The following CADM2 variants were observed in gnomAD, a reference collection of about 807,000 sequenced individuals.
The protein encoded by CADM2 is immunoglobulin superfamily member 4D.
A neutral mutation model predicts 49.8 loss-of-function variants in CADM2; 12 were observed. The observed-to-expected ratio is 0.24, with a 90% CI of 0.15 to 0.39. The LOEUF (loss-of-function observed/expected upper bound fraction) is 0.39, where lower values mean the gene tolerates loss of function less well. CADM2 is among the 10% of genes least tolerant of loss of function. The pLI is 1.00. For missense variants in CADM2, 378 were observed against 492.3 expected, an observed-to-expected ratio of 0.77 and a Z score of 2.20; for synonymous variants, 214 against 175.4, an observed-to-expected ratio of 1.22 and a Z score of -1.74.
chr3:85,778,060 G>A (rs1286269147), intron 2 of CADM2, among the ~76,000 whole-genome samples: 1 of 152,058 alleles, frequency 6.6e-6, no homozygotes, highest in Non-Finnish European at 1.5e-5. Context: ...ATATTCATAT[G>A]GGCTGAGCCT....
At chr3:85,431,900 A>G (rs2036696589) in intron 1 of CADM2, among the ~76,000 whole-genome samples, 3 of 39,794 alleles carry the variant, frequency 7.5e-5, no homozygotes, top group Admixed American at 3.6e-4. Flanking sequence ...GTCTAAATGA[A>G]TAAATGAAGA....
Position 85,214,298 on chromosome 3 carries a change from C to T in CADM2, c.61+254630C>T, listed in dbSNP as rs112379448. On this transcript the variant is annotated intron_variant, in intron 1 of 9. Coordinates refer to ENST00000383699, the MANE Select transcript of CADM2 (RefSeq NM_001167675.2). ...TTTCCCACAAATAAAGTGAGTCTCT[C>T]TCTCTTTGCTGAGCTGCCTAGAGCT... is the stretch of plus-strand genomic sequence containing the variant. 6.9e-3 allele frequency among the ~76,000 whole-genome samples: 1,053 copies of T among 152,244 alleles called. 10 individuals carry two copies. Among genetic ancestry groups the T allele is most frequent in the African/African-American group, 0.023 (961 of 41,536 alleles).
chr3:85,009,865 CAATAAATAAATAAATAAATA>C (rs34806351), intron 1 of CADM2, among the ~76,000 whole-genome samples: 11 of 140,722 alleles, frequency 7.8e-5, no homozygotes, highest in South Asian at 4.7e-4. Flanking sequence ...GATTCTATCT[CAATAAATAAATAAATAAATA>C]AATAAATAAA....
At chr3:85,111,613 G>A (rs2038461261) in intron 1 of CADM2, among the ~76,000 whole-genome samples, 2 of 151,414 alleles carry the variant, frequency 1.3e-5, no homozygotes, top group East Asian at 1.9e-4. Flanking sequence ...GGCTGGAAAG[G>A]ATGGTATAGG....
At chr3:85,136,136 A>G (rs1481947202) in intron 1 of CADM2, among the ~76,000 whole-genome samples, 1 of 152,002 alleles carries the variant, frequency 6.6e-6, no homozygotes, top group African/African-American at 2.4e-5. Flanking sequence ...CACTATTTCG[A>G]TTTCCCTCAT....
At chr3:85,864,722 T>A (rs977943324) in intron 3 of CADM2, among the ~76,000 whole-genome samples, 1 of 152,248 alleles carries the variant, frequency 6.6e-6, no homozygotes, top group Non-Finnish European at 1.5e-5. Context: ...TATAATTTCT[T>A]ACTTTATGTC....
chr3:85,174,898 T>C (rs1188922181), intron 1 of CADM2, among the ~76,000 whole-genome samples: 4 of 152,150 alleles, frequency 2.6e-5, no homozygotes, highest in Admixed American at 2.6e-4. Flanking sequence ...GAGATTGTTG[T>C]TAAAACTCGA....
intron 1 of CADM2, among the ~76,000 whole-genome samples, chr3:85,240,871 G>A (rs573060970): frequency 6.6e-5 from 10 of 151,384 alleles, no homozygotes; most frequent in Non-Finnish European, 1.5e-4. Flanking sequence ...CGTAATAGTT[G>A]TACATATCTT....
chr3:85,708,272 C>G (rs1030547448), intron 1 of CADM2, among the ~76,000 whole-genome samples: 1 of 151,682 alleles, frequency 6.6e-6, no homozygotes, highest in African/African-American at 2.4e-5. Context: ...CTATGTTTTT[C>G]TTTTTTTTAA....
At chr3:85,780,821 C>T (rs1017787823) in intron 2 of CADM2, among the ~76,000 whole-genome samples, 6 of 152,134 alleles carry the variant, frequency 3.9e-5, no homozygotes, top group African/African-American at 1.4e-4. Flanking sequence ...ATCCCTGTAT[C>T]TGTTCCCTCA....
chr3:85,276,562 A>G (rs1380040115), intron 1 of CADM2, among the ~76,000 whole-genome samples: 2 of 151,322 alleles, frequency 1.3e-5, no homozygotes, highest in Admixed American at 1.3e-4. Flanking sequence ...GCAAAACATA[A>G]TGGTTTGTTT....
chr3:85,618,696 G>A (rs62263916), intron 1 of CADM2, among the ~76,000 whole-genome samples: 2 of 151,656 alleles, frequency 1.3e-5, no homozygotes, highest in Non-Finnish European at 2.9e-5. Context: ...ATACTATTAA[G>A]TACACAGATA....
At chr3:84,994,132 G>A (rs1375588162) in intron 1 of CADM2, among the ~76,000 whole-genome samples, 1 of 152,042 alleles carries the variant, frequency 6.6e-6, no homozygotes, top group Admixed American at 6.6e-5. Context: ...AATACTTCAG[G>A]CTTGTCATGT....
At chr3:84,981,832 C>T (rs986125757) in intron 1 of CADM2, among the ~76,000 whole-genome samples, 3 of 152,048 alleles carry the variant, frequency 2.0e-5, no homozygotes, top group Non-Finnish European at 4.4e-5. Flanking sequence ...AACATCATAG[C>T]CAAAAATTGT....
At chr3:85,793,139 G>A (rs190394019) in intron 2 of CADM2, among the ~76,000 whole-genome samples, 80 of 152,228 alleles carry the variant, frequency 5.3e-4, no homozygotes, top group Middle Eastern at 6.8e-3. Context: ...AACATTGAAG[G>A]AATAATGGCA....
At chr3:85,427,058 A>T (rs1441909459) in intron 1 of CADM2, among the ~76,000 whole-genome samples, 1 of 151,268 alleles carries the variant, frequency 6.6e-6, no homozygotes, top group Non-Finnish European at 1.5e-5. Flanking sequence ...GTATATGACT[A>T]ATTTGTATAT....
At chr3:85,077,712 A>C (rs1243783006) in intron 1 of CADM2, among the ~76,000 whole-genome samples, 2 of 152,140 alleles carry the variant, frequency 1.3e-5, no homozygotes. Flanking sequence ...ATAAAAGTAA[A>C]TGAGATTATA....
intron 1 of CADM2, among the ~76,000 whole-genome samples, chr3:85,471,934 T>G (rs1379172187): frequency 2.6e-5 from 4 of 151,838 alleles, no homozygotes; most frequent in Non-Finnish European, 4.4e-5. Flanking sequence ...ATCTCTAGTT[T>G]AGGGATCTAA....
intron 1 of CADM2, among the ~76,000 whole-genome samples, chr3:85,037,100 G>A (rs2035248680): frequency 6.6e-6 from 1 of 152,020 alleles, no homozygotes; most frequent in South Asian, 2.1e-4. Flanking sequence ...AACCTGGGAG[G>A]CAGAGGTTGC....
Sources: allele counts gnomAD v4.1 joint callset (sites outside exome capture counted in the v4.1 genomes callset), GRCh38; gene constraint gnomAD v4.1.1; transcripts MANE v1.5; gene names NCBI Gene and HGNC (gene_info 2026-07-23, HGNC 2026-07-21).